Variants in CACNA1C observed in about 807,000 individuals in gnomAD.
The protein encoded by CACNA1C is calcium voltage-gated channel subunit alpha1 C, also known as voltage-dependent L-type calcium channel subunit alpha-1C.
Under a neutral mutation model 229.0 loss-of-function variants are expected in CACNA1C, and 30 were observed. That is an observed-to-expected ratio of 0.13 (90% CI 0.10 to 0.18). CACNA1C has a LOEUF of 0.18. Among genes scored for constraint, CACNA1C ranks in the 10% least tolerant of loss-of-function variants. The pLI is 1.00. For synonymous variants in CACNA1C, 1,114 were observed against 1,132.5 expected (o/e 0.98, Z 0.33); for missense variants, 1,658 against 2,845.0 (o/e 0.58, Z 9.49).
intron 3 of CACNA1C, among the ~76,000 whole-genome samples, chr12:2,344,075 C>T (rs2096937300): frequency 6.6e-6 from 1 of 152,056 alleles, no homozygotes; most frequent in South Asian, 2.1e-4. Context: ...AAGGAGCAAC[C>T]CTGTCTTGAA....
rs2091663408 is a variant in CACNA1C at position 2,282,652 on chromosome 12, C to T, written c.477+162222C>T. On this transcript the variant is annotated intron_variant, in intron 3 of 46. Coordinates refer to ENST00000399655, the MANE Select transcript of CACNA1C (RefSeq NM_000719.7). ...CAGGTACAGCGCACCCGCCTCCTGC[C>T]AGAGAAAAGGAGACCTGCAGTCTGG... 2.6e-5 allele frequency among the ~76,000 whole-genome samples: 4 copies of T among 152,326 alleles called. No individual in the cohort carries two copies. In the South Asian group the frequency reaches 8.3e-4, roughly 32 times the overall value.
At chr12:2,016,643 T>G (rs544198536) in intron 1 of CACNA1C, among the ~76,000 whole-genome samples, 1 of 152,334 alleles carries the variant, frequency 6.6e-6, no homozygotes, top group South Asian at 2.1e-4. Context: ...TTGGCCAGGC[T>G]GGTCTCAAAC....
rs2096079145 is a variant in CACNA1C, at chr12:2,666,144, A to G, written c.4526+436A>G. Among the ~76,000 whole-genome samples, 3 of 152,172 alleles carry G rather than the reference A, an allele frequency of 2.0e-5. No homozygotes were observed. On this transcript the variant is annotated intron_variant, in intron 36 of 46. Coordinates refer to ENST00000399655, the MANE Select transcript of CACNA1C (RefSeq NM_000719.7). The surrounding 1 kb of genome is among the most constrained non-coding windows in gnomAD (Gnocchi z 5.3). Reference sequence around the variant, plus strand: ...GTGGAGGTTGCAGCGAGCTGAGATCACACCACTGCACTCCAGCCTGGGCGA... The same window carrying G: ...GTGGAGGTTGCAGCGAGCTGAGATCGCACCACTGCACTCCAGCCTGGGCGA...
At chr12:2,437,696 G>C (rs996700528) in intron 3 of CACNA1C, among the ~76,000 whole-genome samples, 1 of 152,074 alleles carries the variant, frequency 6.6e-6, no homozygotes, top group African/African-American at 2.4e-5. Context: ...GGTGGTGTTG[G>C]TGGTGGCAAT....
intron 3 of CACNA1C, among the ~76,000 whole-genome samples, chr12:2,240,356 T>C (rs1423910056): frequency 1.3e-5 from 2 of 152,324 alleles, no homozygotes; most frequent in East Asian, 3.9e-4. Flanking sequence ...TCAGTGATAT[T>C]GAACAGTCCT....
chr12:2,418,687 G>A (rs1283403572), intron 3 of CACNA1C, among the ~76,000 whole-genome samples: 1 of 152,200 alleles, frequency 6.6e-6, no homozygotes, highest in Non-Finnish European at 1.5e-5. Context: ...AGAGCACTTG[G>A]GCAATCCTGA....
intron 3 of CACNA1C, among the ~76,000 whole-genome samples, chr12:2,359,053 A>C (rs1425556384): frequency 1.3e-5 from 2 of 152,092 alleles, no homozygotes; most frequent in Non-Finnish European, 2.9e-5. Context: ...GATTTTTCAT[A>C]TCATCCCCAT....
intron 3 of CACNA1C, among the ~76,000 whole-genome samples, chr12:2,217,156 A>C (rs1456676174): frequency 6.6e-6 from 1 of 152,242 alleles, no homozygotes; most frequent in Non-Finnish European, 1.5e-5. Context: ...AGCCAGACAC[A>C]AAAGGAGAAA....
intron 3 of CACNA1C, among the ~76,000 whole-genome samples, chr12:2,190,150 C>T (rs1412131940): frequency 6.6e-6 from 1 of 152,200 alleles, no homozygotes; most frequent in Non-Finnish European, 1.5e-5. Context: ...TGATGCGTTA[C>T]CAGGAAATGA....
intron 3 of CACNA1C, among the ~76,000 whole-genome samples, chr12:2,379,858 C>T (rs933125979): frequency 8.6e-5 from 13 of 150,706 alleles, no homozygotes; most frequent in Non-Finnish European, 1.5e-5. Context: ...GGTGAAACCC[C>T]GTCTCTACTA....
intron 3 of CACNA1C, among the ~76,000 whole-genome samples, chr12:2,353,570 C>A (rs1042174272): frequency 2.6e-5 from 4 of 152,192 alleles, no homozygotes; most frequent in African/African-American, 9.6e-5. Flanking sequence ...AAGTCAAGGT[C>A]CGAAGGGCCC....
intron 1 of CACNA1C, among the ~76,000 whole-genome samples, chr12:2,013,574 G>A (rs1377769234): frequency 6.6e-6 from 1 of 152,162 alleles, no homozygotes; most frequent in Non-Finnish European, 1.5e-5. Flanking sequence ...GGGACCAGGA[G>A]CATGATGCAA....
intron 3 of CACNA1C, among the ~76,000 whole-genome samples, chr12:2,269,323 G>A (rs1566790155): frequency 6.6e-6 from 1 of 152,120 alleles, no homozygotes. Context: ...TGCTATCTGT[G>A]TATGTGCTTA....
chr12:2,306,983 G>A (rs1430767254), intron 3 of CACNA1C, among the ~76,000 whole-genome samples: 1 of 152,190 alleles, frequency 6.6e-6, no homozygotes, highest in Non-Finnish European at 1.5e-5. Flanking sequence ...ACTAGCCTTA[G>A]AGGAAATCAG....
At chr12:2,389,768 G>C (rs562312353) in intron 3 of CACNA1C, among the ~76,000 whole-genome samples, 1 of 152,220 alleles carries the variant, frequency 6.6e-6, no homozygotes, top group East Asian at 1.9e-4. Context: ...CACTGATACT[G>C]GTGTGTGTGC....
At chr12:2,572,594 C>T (rs1600604188) in intron 13 of CACNA1C, among the ~76,000 whole-genome samples, 1 of 138,156 alleles carries the variant, frequency 7.2e-6, no homozygotes. Flanking sequence ...TCCTCCTTCT[C>T]CTCTCCTCCT....
At chr12:2,177,339 C>A (rs1382211504) in intron 3 of CACNA1C, among the ~76,000 whole-genome samples, 1 of 152,188 alleles carries the variant, frequency 6.6e-6, no homozygotes, top group African/African-American at 2.4e-5. Flanking sequence ...TCCACCTCAA[C>A]TTAAACAGCA....
At chr12:2,606,576 T>TG in intron 24 of CACNA1C, 35 bp from the exon 25 acceptor site, 4 of 1,562,252 alleles carry the variant, frequency 2.6e-6, no homozygotes, top group Non-Finnish European at 3.5e-6. Context: ...CATTGATTAC[T>TG]GAACATCTCT....
chr12:1,993,652 G>GTGTGTGTA (rs2040072620), intron 1 of CACNA1C, among the ~76,000 whole-genome samples: 1 of 149,624 alleles, frequency 6.7e-6, no homozygotes. Context: ...GTGTGTGTGT[G>GTGTGTGTA]TGTGTATACA....
Sources: allele counts gnomAD v4.1 joint callset (sites outside exome capture counted in the v4.1 genomes callset), GRCh38; gene constraint gnomAD v4.1.1; non-coding constraint Gnocchi (gnomAD v3.1); transcripts MANE v1.5; gene names NCBI Gene and HGNC (gene_info 2026-07-23, HGNC 2026-07-21).